The following NLRC5 variants were observed in gnomAD, a reference collection of about 807,000 sequenced individuals.
The protein encoded by NLRC5 is protein NLRC5.
In NLRC5, 114 loss-of-function variants were observed where a neutral mutation model predicts 206.9. That is an observed-to-expected ratio of 0.55 (90% CI 0.47 to 0.64). The LOEUF (loss-of-function observed/expected upper bound fraction) is 0.64, where lower values mean the gene tolerates loss of function less well. NLRC5 is among the 30% of genes least tolerant of loss of function. The pLI, the probability that NLRC5 is intolerant of heterozygous loss-of-function variation, is 0.00. For missense variants in NLRC5, 2,008 were observed against 2,305.5 expected (o/e 0.87, Z 2.64); for synonymous variants, 952 against 962.8 (o/e 0.99, Z 0.21).
At chr16:57,027,880 C>T (rs1483454813) in intron 6 of NLRC5, among the ~76,000 whole-genome samples, 192 bp from the exon 7 acceptor site, 1 of 152,184 alleles carries the variant, frequency 6.6e-6, no homozygotes, top group Non-Finnish European at 1.5e-5. Flanking sequence ...GCTGGGAAAC[C>T]ATGTTCCTCA....
chr16:57,044,145 C>CA (rs61317543), intron 20 of NLRC5, among the ~76,000 whole-genome samples: 63,852 of 128,428 alleles, frequency 0.5, 15,175 homozygotes, highest in East Asian at 0.79. Flanking sequence ...CTAAAAATAC[C>CA]AAAAAAAAAA....
At chr16:57,008,128 C>G (rs1385509627) in intron 1 of NLRC5, among the ~76,000 whole-genome samples, 1 of 151,942 alleles carries the variant, frequency 6.6e-6, no homozygotes. Flanking sequence ...TGGCTCACAC[C>G]TGCAATCCCA....
chr16:57,003,078 G>A (rs1329056802), intron 1 of NLRC5, among the ~76,000 whole-genome samples: 1 of 126,436 alleles, frequency 7.9e-6, no homozygotes, highest in East Asian at 2.6e-4. Context: ...TGTTTGTTTG[G>A]AGATGAAGTC....
intron 8 of NLRC5, among the ~76,000 whole-genome samples, chr16:57,029,343 G>T (rs915533133): frequency 3.9e-5 from 6 of 152,170 alleles, no homozygotes; most frequent in Non-Finnish European, 8.8e-5. Flanking sequence ...AGAGGAATGC[G>T]CTTGGCTCAG....
At chr16:56,996,461 C>T (rs1875175618) in intron 1 of NLRC5, among the ~76,000 whole-genome samples, 1 of 152,186 alleles carries the variant, frequency 6.6e-6, no homozygotes, top group Admixed American at 6.5e-5. Context: ...GCTGGGATTA[C>T]AGGTGTGAGC....
intron 4 of NLRC5, among the ~76,000 whole-genome samples, 156 bp downstream of exon 4, chr16:57,022,471 C>T (rs2060784773): frequency 6.6e-6 from 1 of 152,248 alleles, no homozygotes; most frequent in Non-Finnish European, 1.5e-5. Flanking sequence ...GCAAGTGTGT[C>T]AAGCCCCTAA....
intron 1 of NLRC5, among the ~76,000 whole-genome samples, chr16:57,007,137 C>G (rs140602638): frequency 3.0e-4 from 45 of 152,232 alleles, no homozygotes; most frequent in Middle Eastern, 3.4e-3. Context: ...GTGGAAAAGG[C>G]TCTCCTTTCC....
At chr16:56,996,710 T>C (rs541457425) in intron 1 of NLRC5, among the ~76,000 whole-genome samples, 18 of 152,304 alleles carry the variant, frequency 1.2e-4, no homozygotes, top group Admixed American at 5.2e-4. Flanking sequence ...TTCCAGAATA[T>C]TTAGAACTTT....
At chr16:57,008,030 A>G (rs746633220) in intron 1 of NLRC5, among the ~76,000 whole-genome samples, 3 of 151,722 alleles carry the variant, frequency 2.0e-5, no homozygotes, top group Non-Finnish European at 2.9e-5. Context: ...TTCTTTTTTC[A>G]TGATTTCTGA....
chr16:57,041,260 T>A, intron 17 of NLRC5: 1 of 535,952 alleles, frequency 1.9e-6, no homozygotes, highest in South Asian at 2.3e-5. Context: ...GTGCCTTGGT[T>A]TCCTTCCATC....
At chr16:57,024,001 G>A in intron 5 of NLRC5, 148 bp downstream of exon 5, 1 of 760,246 alleles carries the variant, frequency 1.3e-6, no homozygotes, top group South Asian at 1.8e-5. Flanking sequence ...AAGGACTGGA[G>A]GTCTTGCACA....
At chr16:57,010,767 C>T (rs1008524570) in intron 1 of NLRC5, among the ~76,000 whole-genome samples, 8 of 152,190 alleles carry the variant, frequency 5.3e-5, no homozygotes, top group Non-Finnish European at 8.8e-5. Context: ...TATTTCACGT[C>T]ATTTAGGGAA....
chr16:57,042,325 G>A (rs2063385637), intron 19 of NLRC5, among the ~76,000 whole-genome samples: 2 of 152,160 alleles, frequency 1.3e-5, no homozygotes, highest in Non-Finnish European at 1.5e-5. Flanking sequence ...GGCTTCTGAG[G>A]CCACCCTGGG....
At chr16:57,044,457 A>C (rs1014258951) in intron 20 of NLRC5, among the ~76,000 whole-genome samples, 1 of 152,022 alleles carries the variant, frequency 6.6e-6, no homozygotes, top group African/African-American at 2.4e-5. Context: ...CGCATCCATG[A>C]TTTTCAGGGG....
At chr16:57,028,275 T>C in intron 7 of NLRC5, 27 bp from the exon 8 acceptor site, 2 of 1,608,612 alleles carry the variant, frequency 1.2e-6, no homozygotes, top group Non-Finnish European at 8.5e-7. Flanking sequence ...TCCTCGTTCC[T>C]CCCCACCATC....
At chr16:57,023,433 G>A (rs1327938476) in intron 4 of NLRC5, among the ~76,000 whole-genome samples, 1 of 152,170 alleles carries the variant, frequency 6.6e-6, no homozygotes, top group African/African-American at 2.4e-5. Context: ...ATGACCACCG[G>A]CGGCTTCCAT....
chr16:57,053,837 G>T (rs2065253685), intron 24 of NLRC5, among the ~76,000 whole-genome samples: 1 of 152,104 alleles, frequency 6.6e-6, no homozygotes. Flanking sequence ...TCCTCATTTG[G>T]GTTTTCAAAA....
chr16:56,993,065 C>T (rs2057106892), intron 1 of NLRC5, among the ~76,000 whole-genome samples: 1 of 104,100 alleles, frequency 9.6e-6, no homozygotes, highest in South Asian at 2.6e-4. Flanking sequence ...CAAAGACAGT[C>T]TAAGTGTGTT....
intron 39 of NLRC5, chr16:57,075,836 G>T (rs1414529248): frequency 6.6e-6 from 1 of 152,340 alleles, no homozygotes; most frequent in Non-Finnish European, 1.5e-5. Flanking sequence ...AGTTCCAGGA[G>T]GTTATATCAT....
Sources: allele counts gnomAD v4.1 joint callset (sites outside exome capture counted in the v4.1 genomes callset), GRCh38; gene constraint gnomAD v4.1.1; transcripts MANE v1.5; gene names NCBI Gene and HGNC (gene_info 2026-07-23, HGNC 2026-07-21).